GASK1B: variants seen among roughly 807,000 people sequenced by gnomAD.
The protein encoded by GASK1B is golgi associated kinase 1B, also known as Golgi-associated kinase 1B.
GASK1B carries 34 observed loss-of-function variants against 42.8 expected under a neutral mutation model. The observed-to-expected ratio is 0.79, with a 90% confidence interval of 0.60 to 1.06. The LOEUF is 1.06. GASK1B is among the 50% of genes least tolerant of loss of function. The probability of loss-of-function intolerance (pLI) is 0.00; values close to 1 mark genes in which losing one functional copy is unlikely to be tolerated. For synonymous variants in GASK1B, 262 were observed against 259.1 expected, an observed-to-expected ratio of 1.01 and a Z score of -0.11; for missense variants, 686 against 661.0, an observed-to-expected ratio of 1.04 and a Z score of -0.42.
chr4:158,152,087 T>G (rs1176128554), intron 3 of GASK1B, among the ~76,000 whole-genome samples: 2 of 152,190 alleles, frequency 1.3e-5, no homozygotes, highest in African/African-American at 4.8e-5. Context: ...TCCAAGATCT[T>G]CAGCTTTTGG....
chr4:158,169,652 A>G (rs1295550516), intron 2 of GASK1B: 7 of 152,606 alleles, frequency 4.6e-5, no homozygotes, highest in African/African-American at 2.4e-5. Flanking sequence ...GCATTCAAAC[A>G]TAAGCCACTG....
At chr4:158,158,150 T>C (rs143692679) in intron 2 of GASK1B, among the ~76,000 whole-genome samples, 49 of 152,228 alleles carry the variant, frequency 3.2e-4, no homozygotes, top group African/African-American at 1.2e-3. Context: ...TTAAACCTTG[T>C]TTTTCTCACC....
At chr4:158,134,322 A>G (rs533934810) in intron 3 of GASK1B, among the ~76,000 whole-genome samples, 1 of 152,228 alleles carries the variant, frequency 6.6e-6, no homozygotes, top group Non-Finnish European at 1.5e-5. Flanking sequence ...TGGTTTTAAT[A>G]TACTTGTTTA....
At chr4:158,164,070 A>G (rs1235791216) in intron 2 of GASK1B, among the ~76,000 whole-genome samples, 3 of 152,312 alleles carry the variant, frequency 2.0e-5, no homozygotes, top group East Asian at 1.9e-4. Context: ...GAAGGTTCTT[A>G]GTGAATCCTC....
intron 4 of GASK1B, among the ~76,000 whole-genome samples, chr4:158,128,657 T>A (rs1730551588): frequency 6.6e-6 from 1 of 152,188 alleles, no homozygotes; most frequent in South Asian, 2.1e-4. Context: ...CTTCCAAATT[T>A]CAATGGAGCA....
chr4:158,171,964 AT>A (rs1465764633), intron 1 of GASK1B, among the ~76,000 whole-genome samples: 1 of 152,214 alleles, frequency 6.6e-6, no homozygotes, highest in Non-Finnish European at 1.5e-5. Context: ...TACCATTTTT[AT>A]TTTTTAAAGT....
rs1009560661 is a variant in GASK1B at position 158,127,228 on chromosome 4, C to A, written c.*179G>T. On this transcript the variant is annotated 3_prime_UTR_variant, in exon 5 of 5. Transcript: ENST00000585682. The stretch of plus-strand genomic sequence containing the variant: ...TCTCAAGTAGTTTGTTTTTCAAAAC[C>A]TTTTTAAGTATGCATACAGTGCTAA... The A allele has an allele frequency of 2.7e-5, 12 of 448,810 alleles. No individual in the cohort carries two copies. The highest frequency in any genetic ancestry group is 2.1e-4 in the South Asian group (4 of 19,182). The allele number at this position is 448,810 out of a possible 1,614,324, so 27.8% of individuals were successfully genotyped here. A position where few individuals can be genotyped will look rare whatever the true frequency, so the allele number is the denominator to read the frequency against.
intron 2 of GASK1B, 102 bp from the exon 3 acceptor site, chr4:158,155,927 A>C (rs1295677406): frequency 1.1e-6 from 1 of 880,474 alleles, no homozygotes; most frequent in Non-Finnish European, 1.8e-6. Flanking sequence ...CTCACCTATC[A>C]AATGTGAGAG....
At chr4:158,153,562 A>G (rs1272636652) in intron 3 of GASK1B, among the ~76,000 whole-genome samples, 3 of 152,212 alleles carry the variant, frequency 2.0e-5, no homozygotes, top group Non-Finnish European at 4.4e-5. Context: ...GGACTAAGCA[A>G]AAAGAACAAA....
chr4:158,124,673 T>C lies in GASK1B; in HGVS notation c.*2734A>G, dbSNP rs1249636674. On this transcript the variant is annotated 3_prime_UTR_variant, in exon 5 of 5. Transcript: ENST00000585682. ...AGAATAAACAGGCTATGATTACAAG[T>C]CCAAAGATTACAAATATAATGATGA... 2 of 152,070 alleles carry C rather than the reference T, an allele frequency of 1.3e-5. No homozygotes were observed. Among genetic ancestry groups the C allele is most frequent in the East Asian group, 3.9e-4 (2 of 5,192 alleles). 9.4% of individuals were successfully genotyped at this position (152,070 alleles called of 1,614,324 possible).
chr4:158,133,202 C>T (rs1035179907), intron 3 of GASK1B, among the ~76,000 whole-genome samples: 3 of 152,028 alleles, frequency 2.0e-5, no homozygotes, highest in Admixed American at 2.0e-4. Flanking sequence ...ACTCAATCAC[C>T]CCTTTTTTTA....
At chr4:158,145,362 GGAGGCAAGGCATACC>G (rs1731291452) in intron 3 of GASK1B, among the ~76,000 whole-genome samples, 1 of 152,076 alleles carries the variant, frequency 6.6e-6, no homozygotes. Context: ...GACAAATCTA[GGAGGCAAGGCATACC>G]AACTCATATT....
At chr4:158,162,591 G>A (rs369333305) in intron 2 of GASK1B, among the ~76,000 whole-genome samples, 2 of 152,328 alleles carry the variant, frequency 1.3e-5, no homozygotes, top group East Asian at 3.9e-4. Flanking sequence ...AGACAGGGAT[G>A]TGCAGAGGTT....
chr4:158,129,742 C>T (rs973332969), intron 4 of GASK1B, among the ~76,000 whole-genome samples: 3 of 152,126 alleles, frequency 2.0e-5, no homozygotes, highest in African/African-American at 7.2e-5. Flanking sequence ...CCAGCAGTCA[C>T]CTAGCTTCAC....
rs910198707 is a variant in GASK1B at position 158,124,962 on chromosome 4, G to A, written c.*2445C>T. 3 of 152,156 alleles carry A rather than the reference G, an allele frequency of 2.0e-5. No individual in the cohort carries two copies. The highest frequency in any genetic ancestry group is 2.1e-4 in the South Asian group (1 of 4,826). The allele number at this position is 152,156 out of a possible 1,614,324, so 9.4% of individuals were successfully genotyped here. On this transcript the variant is annotated 3_prime_UTR_variant, in exon 5 of 5. Coordinates refer to ENST00000585682, the MANE Select transcript of GASK1B (RefSeq NM_001128424.2). ...GAATAAGCTTTTGCATGTCTGCTAA[G>A]GTAAATTATTATATTATAAGTTTGT... is the stretch of plus-strand genomic sequence containing the variant.
At chr4:158,135,162 C>T (rs1161740860) in intron 3 of GASK1B, among the ~76,000 whole-genome samples, 4 of 151,730 alleles carry the variant, frequency 2.6e-5, no homozygotes, top group Non-Finnish European at 5.9e-5. Context: ...GAAACCCCAT[C>T]TCTACTAAAG....
chr4:158,142,070 G>A (rs375289477), intron 3 of GASK1B, among the ~76,000 whole-genome samples: 4 of 146,932 alleles, frequency 2.7e-5, no homozygotes, highest in Admixed American at 6.8e-5. Flanking sequence ...TCAGCCTCCC[G>A]AGTAGCTGGG....
chr4:158,127,433 C>A lies in GASK1B; in HGVS notation c.1534G>T (p.Val512Phe), dbSNP rs144055108. The change falls in exon 5 of 5, where the codon GTC (valine) becomes TTC (phenylalanine). Residue 512 changes from valine (V) to phenylalanine (F), a missense_variant. Physicochemically the swap from Val to Phe is conservative, Grantham distance 50. Transcript: ENST00000585682. ...CATTCATTCATAGGTAATACTTTGA[C>A]CCCGTGTGCATTGATATAGGTGATA... ...ILITYINAHG[V>F]KVLPMNE is the part of the protein sequence containing the mutation. The A allele has an allele frequency of 2.5e-6, 4 of 1,613,544 alleles. No individual in the cohort carries two copies. In the South Asian group the frequency reaches 4.4e-5, roughly 18 times the overall value.
At chr4:158,161,818 G>A (rs939995531) in intron 2 of GASK1B, among the ~76,000 whole-genome samples, 2 of 152,230 alleles carry the variant, frequency 1.3e-5, no homozygotes, top group African/African-American at 2.4e-5. Flanking sequence ...AAGGAGCCAC[G>A]AATTCCTGAC....
Sources: gnomAD v4.1 joint callset for allele counts (sites outside exome capture counted in the v4.1 genomes callset) on GRCh38, gnomAD v4.1.1 for gene constraint, MANE v1.5 for transcripts, NCBI Gene and HGNC (gene_info 2026-07-23, HGNC 2026-07-21) for gene names.